Variants in SLC44A5 observed in about 807,000 individuals in gnomAD.
SLC44A5 encodes choline transporter-like protein 5.
Under a neutral mutation model 101.8 loss-of-function variants are expected in SLC44A5, and 57 were observed. That is an observed-to-expected ratio of 0.56 (90% CI 0.45 to 0.70). SLC44A5 has a LOEUF of 0.70. Among genes scored for constraint, SLC44A5 ranks in the 30% least tolerant of loss-of-function variants. SLC44A5 has a pLI of 0.00. For synonymous variants in SLC44A5, 281 were observed against 290.9 expected (o/e 0.97, Z 0.35); for missense variants, 737 against 853.1 (o/e 0.86, Z 1.70).
intron 3 of SLC44A5, among the ~76,000 whole-genome samples, chr1:75,355,345 T>A (rs1658988921): frequency 6.6e-6 from 1 of 152,214 alleles, no homozygotes; most frequent in East Asian, 1.9e-4. Flanking sequence ...TAACACTATG[T>A]TTTTGACTCA....
chr1:75,627,409 G>A, the SLC44A5 span, among the ~76,000 whole-genome samples: 1 of 152,276 alleles, frequency 6.6e-6, no homozygotes, highest in South Asian at 2.1e-4. Context: ...ACTAAGAGTG[G>A]TGGCTCTCCT....
At chr1:75,662,441 T>C in the SLC44A5 span, among the ~76,000 whole-genome samples, 2 of 152,032 alleles carry the variant, frequency 1.3e-5, no homozygotes, top group Non-Finnish European at 2.9e-5. Flanking sequence ...TAGGGCTCAA[T>C]AGCATGATAG....
chr1:75,424,308 G>GT (rs1664179435), intron 2 of SLC44A5, among the ~76,000 whole-genome samples: 1 of 152,020 alleles, frequency 6.6e-6, no homozygotes, highest in Non-Finnish European at 1.5e-5. Flanking sequence ...TTGTTTGTTT[G>GT]TTTGTTTTGT....
At chr1:75,631,410 T>A in the SLC44A5 span, among the ~76,000 whole-genome samples, 1 of 152,056 alleles carries the variant, frequency 6.6e-6, no homozygotes, top group Non-Finnish European at 1.5e-5. Context: ...TCTCACTCTG[T>A]CACTTAGACT....
intron 15 of SLC44A5, among the ~76,000 whole-genome samples, 198 bp downstream of exon 15, chr1:75,219,601 TA>T (rs1647034335): frequency 1.3e-5 from 2 of 152,174 alleles, no homozygotes; most frequent in Admixed American, 1.3e-4. Context: ...GGAGACAAAA[TA>T]AAACAAATCT....
chr1:75,475,315 A>G (rs191498962), intron 2 of SLC44A5, among the ~76,000 whole-genome samples: 1 of 152,362 alleles, frequency 6.6e-6, no homozygotes, highest in Admixed American at 6.5e-5. Context: ...AAGGAAAGGA[A>G]TGATGAGGAA....
intron 1 of SLC44A5, among the ~76,000 whole-genome samples, chr1:75,541,838 A>G (rs1433612133): frequency 1.3e-5 from 2 of 152,042 alleles, no homozygotes; most frequent in Non-Finnish European, 2.9e-5. Flanking sequence ...TTGATATTCT[A>G]TCTTATCTTC....
intron 4 of SLC44A5, among the ~76,000 whole-genome samples, chr1:75,339,093 TTA>T (rs1451707194): frequency 6.6e-6 from 1 of 152,108 alleles, no homozygotes; most frequent in Non-Finnish European, 1.5e-5. Context: ...CTAGAGCATT[TTA>T]AACTATCTTA....
intron 7 of SLC44A5, 70 bp downstream of exon 7, chr1:75,251,140 A>T: frequency 7.9e-7 from 1 of 1,260,098 alleles, no homozygotes; most frequent in African/African-American, 1.5e-5. Flanking sequence ...CTCAAATGGA[A>T]TTTCTCAATT....
intron 5 of SLC44A5, among the ~76,000 whole-genome samples, chr1:75,295,282 G>A (rs1653879178): frequency 6.6e-6 from 1 of 152,164 alleles, no homozygotes; most frequent in African/African-American, 2.4e-5. Context: ...GAATGAAAAA[G>A]TCATCTTGGA....
chr1:75,328,131 T>A (rs1265337791), intron 4 of SLC44A5, among the ~76,000 whole-genome samples: 6 of 152,220 alleles, frequency 3.9e-5, no homozygotes, highest in Non-Finnish European at 7.3e-5. Flanking sequence ...TACCCACTGG[T>A]CTTCTGTCCA....
chr1:75,423,087 C>T (rs561634875), intron 2 of SLC44A5, among the ~76,000 whole-genome samples: 65 of 152,276 alleles, frequency 4.3e-4, no homozygotes, highest in African/African-American at 1.4e-3. Context: ...GCCTTTGTTG[C>T]AAGGATTGGA....
intron 3 of SLC44A5, among the ~76,000 whole-genome samples, chr1:75,391,447 C>T (rs2101358506): frequency 6.6e-6 from 1 of 152,240 alleles, no homozygotes; most frequent in South Asian, 2.1e-4. Context: ...CAACTTCAGA[C>T]ATCACATTAC....
chr1:75,466,438 C>T (rs1197812658), intron 2 of SLC44A5, among the ~76,000 whole-genome samples: 10 of 151,960 alleles, frequency 6.6e-5, no homozygotes, highest in African/African-American at 1.4e-4. Context: ...GGGCGGATCA[C>T]GAGGTCAGGA....
chr1:75,214,553 T>C (rs1570370732), intron 20 of SLC44A5, 52 bp downstream of exon 20: 11 of 1,409,986 alleles, frequency 7.8e-6, no homozygotes, highest in Non-Finnish European at 1.1e-5. Flanking sequence ...AAGGATGTAA[T>C]GCTCAAGGTT....
intron 2 of SLC44A5, among the ~76,000 whole-genome samples, chr1:75,478,722 C>T (rs1280380323): frequency 6.6e-6 from 1 of 152,128 alleles, no homozygotes; most frequent in Non-Finnish European, 1.5e-5. Flanking sequence ...TATATATGCA[C>T]CCAATACAGG....
chr1:75,438,196 A>G (rs1664994824), intron 2 of SLC44A5, among the ~76,000 whole-genome samples: 1 of 152,164 alleles, frequency 6.6e-6, no homozygotes, highest in South Asian at 2.1e-4. Flanking sequence ...AAGAGAAATG[A>G]AGGCTAGTCA....
intron 2 of SLC44A5, among the ~76,000 whole-genome samples, chr1:75,466,002 G>C (rs1022575203): frequency 7.2e-5 from 11 of 152,236 alleles, no homozygotes; most frequent in African/African-American, 2.4e-4. Context: ...TAGAGGATGA[G>C]AGCATACTTC....
At chr1:75,565,077 A>G (rs1166207065) in intron 1 of SLC44A5, among the ~76,000 whole-genome samples, 2 of 152,208 alleles carry the variant, frequency 1.3e-5, no homozygotes, top group African/African-American at 4.8e-5. Context: ...GAAATAATCT[A>G]TAAGTTGTTG....
Sources: gnomAD v4.1 joint callset for allele counts (sites outside exome capture counted in the v4.1 genomes callset) on GRCh38, gnomAD v4.1.1 for gene constraint, MANE v1.5 for transcripts, NCBI Gene and HGNC (gene_info 2026-07-23, HGNC 2026-07-21) for gene names.